AOPEP: variants seen among roughly 807,000 people sequenced by gnomAD.
The protein encoded by AOPEP is aminopeptidase O.
In AOPEP, 77 loss-of-function variants were observed where a neutral mutation model predicts 98.1. That is an observed-to-expected ratio of 0.78 (90% CI 0.65 to 0.95). The LOEUF (loss-of-function observed/expected upper bound fraction) is 0.95, where lower values mean the gene tolerates loss of function less well. AOPEP is among the 40% of genes least tolerant of loss of function. The pLI, the probability that AOPEP is intolerant of heterozygous loss-of-function variation, is 0.00. For missense variants in AOPEP, 1,024 were observed against 1,024.7 expected (o/e 1.00, Z 0.01); for synonymous variants, 346 against 365.3 (o/e 0.95, Z 0.60).
chr9:94,763,037 A>G lies in AOPEP; in HGVS notation c.797+2457A>G, dbSNP rs531537079. The G allele has an allele frequency of 6.1e-4, 232 of 381,030 alleles. 1 individual carries two copies. The highest frequency in any genetic ancestry group is 9.1e-4 in the Non-Finnish European group (168 of 184,940). The allele number at this position is 381,030 out of a possible 1,614,324, so 23.6% of individuals were successfully genotyped here. ...TTATTAAAACTAAAATAGTTTCTAC[A>G]TATTTGTTCCTGAATTGCAGAATAT... is the stretch of plus-strand genomic sequence containing the variant. On this transcript the variant is annotated intron_variant, in intron 2 of 16. Transcript: ENST00000375315.
the AOPEP span, among the ~76,000 whole-genome samples, chr9:95,106,443 T>C: frequency 7.9e-5 from 12 of 152,374 alleles, no homozygotes; most frequent in South Asian, 8.3e-4. Flanking sequence ...CAGTATCATT[T>C]GATGCACAAA....
At chr9:95,092,419 C>T in the AOPEP span, among the ~76,000 whole-genome samples, 1 of 152,106 alleles carries the variant, frequency 6.6e-6, no homozygotes, top group Non-Finnish European at 1.5e-5. Context: ...GGGGGACTGT[C>T]CATTCTGAGT....
chr9:95,075,285 G>A (rs1327522984), intron 14 of AOPEP, among the ~76,000 whole-genome samples: 1 of 152,202 alleles, frequency 6.6e-6, no homozygotes, highest in Admixed American at 6.5e-5. Flanking sequence ...ATAATAAAAT[G>A]TGAATATTTG....
intron 16 of AOPEP, chr9:95,086,216 C>T (rs2070674300): frequency 7.8e-7 from 1 of 1,280,854 alleles, no homozygotes; most frequent in Non-Finnish European, 1.0e-6. Context: ...CAGCACGGTG[C>T]CAGTCATCTG....
intron 7 of AOPEP, among the ~76,000 whole-genome samples, chr9:94,940,992 TAAAA>T (rs35838994): frequency 6.7e-6 from 1 of 148,628 alleles, no homozygotes; most frequent in Non-Finnish European, 1.5e-5. Context: ...AAGAGAATGT[TAAAA>T]AAAAAAGTGC....
intron 5 of AOPEP, chr9:94,900,295 A>G (rs936443127): frequency 2.0e-5 from 3 of 152,242 alleles, no homozygotes; most frequent in East Asian, 1.9e-4. Flanking sequence ...TAAACTTTCA[A>G]TGGCACCAAG....
intron 5 of AOPEP, among the ~76,000 whole-genome samples, chr9:94,913,293 G>T (rs1588858606): frequency 8.6e-6 from 1 of 115,678 alleles, no homozygotes; most frequent in Admixed American, 8.2e-5. Context: ...AGACTTTGGA[G>T]AGACTTTGGA....
chr9:95,149,609 G>C, the AOPEP span, among the ~76,000 whole-genome samples: 7 of 151,984 alleles, frequency 4.6e-5, no homozygotes, highest in East Asian at 9.7e-4. Context: ...CCCCCTAGTA[G>C]CTGGGATTAG....
intron 5 of AOPEP, among the ~76,000 whole-genome samples, chr9:94,813,520 C>G (rs1259371336): frequency 1.3e-5 from 2 of 152,242 alleles, no homozygotes; most frequent in Non-Finnish European, 2.9e-5. Context: ...TGTCCTCCCC[C>G]TCACCAGCCT....
At chr9:95,001,274 T>A (rs2061542236) in intron 11 of AOPEP, among the ~76,000 whole-genome samples, 1 of 152,206 alleles carries the variant, frequency 6.6e-6, no homozygotes, top group African/African-American at 2.4e-5. Context: ...TTTAAAGCAA[T>A]GGTATTTTCC....
chr9:95,107,470 C>A, the AOPEP span: 4 of 639,722 alleles, frequency 6.3e-6, no homozygotes, highest in South Asian at 3.7e-5. Flanking sequence ...GACTTTCTTT[C>A]GTCTTGCTCA....
chr9:94,745,074 C>T (rs926701151), intron 1 of AOPEP, among the ~76,000 whole-genome samples: 6 of 152,014 alleles, frequency 3.9e-5, no homozygotes, highest in Non-Finnish European at 8.8e-5. Context: ...CCTTGTGTTA[C>T]GAATATTCCA....
At chr9:95,079,357 T>A (rs1458846665) in intron 14 of AOPEP, among the ~76,000 whole-genome samples, 1 of 152,270 alleles carries the variant, frequency 6.6e-6, no homozygotes, top group Non-Finnish European at 1.5e-5. Flanking sequence ...TAATTATTGC[T>A]GCAAATATAT....
intron 13 of AOPEP, among the ~76,000 whole-genome samples, chr9:95,034,325 C>A (rs1487510736): frequency 1.3e-5 from 2 of 152,164 alleles, no homozygotes; most frequent in African/African-American, 4.8e-5. Context: ...CCCAGACACC[C>A]ATTAAGACGT....
At chr9:94,842,918 T>G (rs2042441491) in intron 5 of AOPEP, among the ~76,000 whole-genome samples, 2 of 152,346 alleles carry the variant, frequency 1.3e-5, no homozygotes, top group South Asian at 2.1e-4. Context: ...TGTGACTGTT[T>G]TCAAGAATTT....
At chr9:95,095,205 G>A in the AOPEP span, among the ~76,000 whole-genome samples, 338 of 152,218 alleles carry the variant, frequency 2.2e-3, 1 homozygote, top group African/African-American at 7.9e-3. Flanking sequence ...CCTATCTTAC[G>A]GTGCTGATAA....
intron 5 of AOPEP, among the ~76,000 whole-genome samples, chr9:94,816,266 A>C (rs1475857644): frequency 6.6e-6 from 1 of 152,158 alleles, no homozygotes; most frequent in Admixed American, 6.5e-5. Context: ...CAGGGTCCCC[A>C]GCTAATAAGT....
At chr9:95,121,102 T>G in the AOPEP span, among the ~76,000 whole-genome samples, 2 of 152,218 alleles carry the variant, frequency 1.3e-5, no homozygotes, top group Non-Finnish European at 2.9e-5. Context: ...TCAAATAGAT[T>G]TTTAAAAATA....
At chr9:95,041,257 G>A (rs2065264303) in intron 13 of AOPEP, among the ~76,000 whole-genome samples, 1 of 152,108 alleles carries the variant, frequency 6.6e-6, no homozygotes, top group African/African-American at 2.4e-5. Flanking sequence ...CTCCTTTGTA[G>A]CAAGAGTGAC....
Sources: gnomAD v4.1 joint callset for allele counts (sites outside exome capture counted in the v4.1 genomes callset) on GRCh38, gnomAD v4.1.1 for gene constraint, MANE v1.5 for transcripts, NCBI Gene and HGNC (gene_info 2026-07-23, HGNC 2026-07-21) for gene names.